Variants in CAMKMT observed in about 807,000 individuals in gnomAD.
The protein encoded by CAMKMT is CaM KMT.
In CAMKMT, 53 loss-of-function variants were observed where a neutral mutation model predicts 48.0. That is an observed-to-expected ratio of 1.10 (90% CI 0.89 to 1.39). The LOEUF (loss-of-function observed/expected upper bound fraction) is 1.39, where lower values mean the gene tolerates loss of function less well. CAMKMT is among the 40% of genes most tolerant of loss of function. The pLI is 0.00. For synonymous variants in CAMKMT, 165 were observed against 152.3 expected, an observed-to-expected ratio of 1.08 and a Z score of -0.61; for missense variants, 428 against 402.7, an observed-to-expected ratio of 1.06 and a Z score of -0.54.
At chr2:44,525,050 T>A (rs1558677490) in intron 3 of CAMKMT, among the ~76,000 whole-genome samples, 1 of 152,078 alleles carries the variant, frequency 6.6e-6, no homozygotes, top group East Asian at 1.9e-4. Flanking sequence ...TTATTTTATA[T>A]GAGGATAAGT....
intron 3 of CAMKMT, among the ~76,000 whole-genome samples, chr2:44,666,930 C>A (rs888572640): frequency 6.6e-6 from 1 of 152,134 alleles, no homozygotes; most frequent in Non-Finnish European, 1.5e-5. Flanking sequence ...TGTTAAGAAT[C>A]CATACAGGAG....
At chr2:44,372,978 A>G (rs1558547164) in intron 2 of CAMKMT, 90 bp downstream of exon 2, 1 of 1,252,522 alleles carries the variant, frequency 8.0e-7, no homozygotes, top group South Asian at 1.4e-5. Flanking sequence ...TATTTATTCT[A>G]TTGAGTTTAC....
intron 7 of CAMKMT, among the ~76,000 whole-genome samples, chr2:44,726,274 C>T (rs765614294): frequency 6.6e-6 from 1 of 152,198 alleles, no homozygotes; most frequent in African/African-American, 2.4e-5. Context: ...CTTTTCTCCA[C>T]AGCCTCGCCA....
chr2:44,594,293 C>A (rs530369126), intron 3 of CAMKMT, among the ~76,000 whole-genome samples: 1 of 152,218 alleles, frequency 6.6e-6, no homozygotes, highest in Admixed American at 6.5e-5. Flanking sequence ...ACTTTCTTCA[C>A]AGAATTGGAA....
At chr2:44,769,631 T>C (rs942230280) in intron 10 of CAMKMT, among the ~76,000 whole-genome samples, 1 of 152,094 alleles carries the variant, frequency 6.6e-6, no homozygotes, top group African/African-American at 2.4e-5. Context: ...CTTTGAAATA[T>C]AATTTTACAT....
At chr2:44,559,396 A>G (rs758000256) in intron 3 of CAMKMT, among the ~76,000 whole-genome samples, 1 of 152,308 alleles carries the variant, frequency 6.6e-6, no homozygotes, top group Admixed American at 6.5e-5. Flanking sequence ...TCAAGAGCCT[A>G]TGTGTTCCTC....
At chr2:44,656,281 A>T (rs1674372950) in intron 3 of CAMKMT, among the ~76,000 whole-genome samples, 2 of 152,158 alleles carry the variant, frequency 1.3e-5, no homozygotes, top group Admixed American at 1.3e-4. Context: ...TGTGTGTTTT[A>T]CCAAATCATT....
In CAMKMT at chr2:44,657,179, C is replaced by A. The variant is rs1448711165; in HGVS notation, c.377-47104C>A. 6.6e-6 allele frequency among the ~76,000 whole-genome samples: 1 copy of A among 152,166 alleles called. No homozygotes were observed. ...GTTTGTATGAGAGCCATATGAAGGCCATCCCGTGGAGAGGTCAGGACCTCT... is the reference window on the plus strand; with the variant it reads ...GTTTGTATGAGAGCCATATGAAGGCAATCCCGTGGAGAGGTCAGGACCTCT... On this transcript the variant is annotated intron_variant, in intron 3 of 10. Transcript: ENST00000378494. The surrounding 1 kb of genome is among the most constrained non-coding windows in gnomAD (Gnocchi z 4.3).
intron 8 of CAMKMT, among the ~76,000 whole-genome samples, chr2:44,751,725 C>T (rs115784102): frequency 0.011 from 1,730 of 152,274 alleles, 17 homozygotes; most frequent in South Asian, 0.027. Flanking sequence ...GTCCATCTTG[C>T]GCTGCTACAA....
chr2:44,750,765 A>G (rs1680122618), intron 8 of CAMKMT, among the ~76,000 whole-genome samples: 1 of 152,184 alleles, frequency 6.6e-6, no homozygotes, highest in South Asian at 2.1e-4. Context: ...TATAATCCCA[A>G]CAATTTGGGA....
intron 8 of CAMKMT, among the ~76,000 whole-genome samples, chr2:44,748,717 TAAA>T (rs796627430): frequency 6.7e-6 from 1 of 148,414 alleles, no homozygotes; most frequent in African/African-American, 2.5e-5. Flanking sequence ...CTAAAAATAA[TAAA>T]AAAAAAATTA....
intron 4 of CAMKMT, among the ~76,000 whole-genome samples, chr2:44,705,938 T>A (rs774449760): frequency 2.6e-5 from 4 of 152,220 alleles, no homozygotes; most frequent in Non-Finnish European, 5.9e-5. Flanking sequence ...AACAGTGTTA[T>A]CCTTTCCTAA....
intron 3 of CAMKMT, among the ~76,000 whole-genome samples, chr2:44,522,866 T>G (rs1183839669): frequency 6.6e-6 from 1 of 152,208 alleles, no homozygotes; most frequent in Non-Finnish European, 1.5e-5. Flanking sequence ...ATAAGCCAGG[T>G]AGCACTTCCA....
intron 3 of CAMKMT, among the ~76,000 whole-genome samples, chr2:44,488,891 A>T (rs1447005546): frequency 6.9e-6 from 1 of 145,476 alleles, no homozygotes; most frequent in Non-Finnish European, 1.5e-5. Context: ...TAAGAAATGG[A>T]GTCCCTTTCC....
chr2:44,521,137 A>G (rs1291097813), intron 3 of CAMKMT, among the ~76,000 whole-genome samples: 2 of 152,228 alleles, frequency 1.3e-5, no homozygotes, highest in African/African-American at 4.8e-5. Context: ...TGAAAGTGAC[A>G]TAATGTAGGT....
chr2:44,476,647 T>G (rs1365753454), intron 3 of CAMKMT, among the ~76,000 whole-genome samples: 1 of 99,280 alleles, frequency 1.0e-5, no homozygotes, highest in Non-Finnish European at 2.2e-5. Flanking sequence ...TAAACTAAAT[T>G]ACTTTGTGAA....
At chr2:44,700,596 A>C (rs1677202527) in intron 3 of CAMKMT, among the ~76,000 whole-genome samples, 1 of 152,160 alleles carries the variant, frequency 6.6e-6, no homozygotes, top group Non-Finnish European at 1.5e-5. Context: ...ACTGGTGGAG[A>C]AGTCAGAACA....
At chr2:44,445,633 G>A (rs944517633) in intron 3 of CAMKMT, among the ~76,000 whole-genome samples, 4 of 139,082 alleles carry the variant, frequency 2.9e-5, no homozygotes, top group Non-Finnish European at 4.6e-5. Context: ...CCAACATGTC[G>A]GCAAAAGGGT....
At chr2:44,392,550 G>T (rs1192478938) in intron 3 of CAMKMT, among the ~76,000 whole-genome samples, 1 of 151,820 alleles carries the variant, frequency 6.6e-6, no homozygotes, top group African/African-American at 2.4e-5. Flanking sequence ...CCCAGCAGAG[G>T]GCGCCACAAT....
Sources: gnomAD v4.1 joint callset for allele counts (sites outside exome capture counted in the v4.1 genomes callset) on GRCh38, gnomAD v4.1.1 for gene constraint, Gnocchi (gnomAD v3.1) non-coding constraint, MANE v1.5 for transcripts, NCBI Gene and HGNC (gene_info 2026-07-23, HGNC 2026-07-21) for gene names.